PIK3CA: variants seen among roughly 807,000 people sequenced by gnomAD.
PIK3CA encodes the protein phosphatidylinositol-4,5-bisphosphate 3-kinase catalytic subunit alpha.
A neutral mutation model predicts 138.2 loss-of-function variants in PIK3CA; 27 were observed. That is an observed-to-expected ratio of 0.20 (90% confidence interval 0.14 to 0.27). The LOEUF (loss-of-function observed/expected upper bound fraction) is 0.27, where lower values mean the gene tolerates loss of function less well. PIK3CA is among the 10% of genes least tolerant of loss of function. The pLI is 1.00. For missense variants in PIK3CA, 544 were observed against 1,277.4 expected (o/e 0.43, Z 8.75); for synonymous variants, 358 against 413.2 (o/e 0.87, Z 1.62).
chr3:179,214,566 T>G (rs906489353), intron 9 of PIK3CA, among the ~76,000 whole-genome samples: 4 of 151,946 alleles, frequency 2.6e-5, no homozygotes, highest in Non-Finnish European at 5.9e-5. Flanking sequence ...TAATATATAA[T>G]AATAATGAAA....
At chr3:179,229,503 G>A (rs1725163769) in intron 18 of PIK3CA, 61 bp downstream of exon 18, 1 of 1,303,058 alleles carries the variant, frequency 7.7e-7, no homozygotes, top group Non-Finnish European at 1.1e-6. Flanking sequence ...GAGTCTGTCG[G>A]TGTTTGTGTA....
chr3:179,150,840 A>G (rs1382736557), intron 1 of PIK3CA, among the ~76,000 whole-genome samples: 3 of 152,242 alleles, frequency 2.0e-5, no homozygotes, highest in Non-Finnish European at 4.4e-5. Context: ...GCCGCTTCTT[A>G]TAAGTACCCT....
chr3:179,194,940 G>A (rs1338627600), intron 1 of PIK3CA, among the ~76,000 whole-genome samples: 2 of 151,566 alleles, frequency 1.3e-5, no homozygotes, highest in Non-Finnish European at 2.9e-5. Flanking sequence ...AACTGTGGAA[G>A]GGAAGGCATC....
rs997588477 is a variant in PIK3CA at position 179,221,165 on chromosome 3, ACT to A, written c.2187+11_2187+12del. ...AAGGATGAAACACAAAAGGTGTGTG[ACT>A]CTAGTTTGTGTTTGAGACTCTTTTC... On this transcript the variant is annotated intron_variant, in intron 14 of 20. Coordinates refer to ENST00000263967, the MANE Select transcript of PIK3CA (RefSeq NM_006218.4). The A allele has an allele frequency of 1.2e-6, 2 of 1,608,612 alleles. No individual in the cohort carries two copies. The highest frequency in any genetic ancestry group is 2.7e-5 in the African/African-American group (2 of 74,632).
At chr3:179,153,936 C>T (rs1014438781) in intron 1 of PIK3CA, among the ~76,000 whole-genome samples, 9 of 152,176 alleles carry the variant, frequency 5.9e-5, no homozygotes, top group African/African-American at 1.9e-4. Flanking sequence ...AAAGATTATT[C>T]AGCTATTGGA....
rs917551738 is a variant in PIK3CA, at chr3:179,236,134, G to C, written c.*1770G>C. 1 of 205,724 alleles carries C rather than the reference G, an allele frequency of 4.9e-6. No homozygotes were observed. Among genetic ancestry groups the C allele is most frequent in the African/African-American group, 2.3e-5 (1 of 43,822 alleles). The allele number at this position is 205,724 out of a possible 1,614,324, so 12.7% of individuals were successfully genotyped here. ...CTGTTACCTATAGTTGAAGTCTTGA[G>C]TAGTGAACAAGGGACTCTAATACCA... On this transcript the variant is annotated 3_prime_UTR_variant, in exon 21 of 21. Transcript: ENST00000263967.
rs1483414722 is a variant in PIK3CA at position 179,236,584 on chromosome 3, T to C, written c.*2220T>C. 8.9e-6 allele frequency: 2 copies of C among 225,166 alleles called. No individual in the cohort carries two copies. Among genetic ancestry groups the C allele is most frequent in the Non-Finnish European group, 1.8e-5 (2 of 111,830 alleles). 13.9% of individuals were successfully genotyped at this position (225,166 alleles called of 1,614,324 possible). A position where few individuals can be genotyped will look rare whatever the true frequency, so the allele number is the denominator to read the frequency against. ...GTGCCAAAAATGCTGTGAGCCTCCT[T>C]GCACAAAATTTATACCACTTTTGCA... On this transcript the variant is annotated 3_prime_UTR_variant, in exon 21 of 21. Transcript: ENST00000263967.
rs757034184 is a variant in PIK3CA at position 179,225,598 on chromosome 3, A to G, written c.2417-364A>G. 7.5e-4 allele frequency among the ~76,000 whole-genome samples: 114 copies of G among 152,302 alleles called. 3 individuals are homozygous for G. The highest frequency in any genetic ancestry group is 5.3e-4 in the Non-Finnish European group (36 of 68,024). On this transcript the variant is annotated intron_variant, in intron 16 of 20. Coordinates refer to ENST00000263967, the MANE Select transcript of PIK3CA (RefSeq NM_006218.4). ...ATTGTTATTCAAATATGTTTATGCA[A>G]AGACTTTAAAAGTGGATTTAAGAAT...
At position 179,182,896 on chromosome 3, in the gene PIK3CA, T is replaced by G. The variant is rs564011745; in HGVS notation, c.-76-15854T>G. The stretch of plus-strand genomic sequence containing the variant: ...ATATTTCTCTCCCACCATTGAAGTA[T>G]TTTGGCTGTATTGTATTATCGAAAA... On this transcript the variant is annotated intron_variant, in intron 1 of 20. Coordinates refer to ENST00000263967, the MANE Select transcript of PIK3CA (RefSeq NM_006218.4). Among the ~76,000 whole-genome samples the G allele has an allele frequency of 3.9e-5, 6 of 152,322 alleles. No individual in the cohort carries two copies. The South Asian group carries it at 1.2e-3, about 32-fold the overall frequency.
intron 1 of PIK3CA, among the ~76,000 whole-genome samples, chr3:179,164,670 C>A (rs1321619441): frequency 6.6e-6 from 1 of 151,992 alleles, no homozygotes; most frequent in Non-Finnish European, 1.5e-5. Context: ...GAGTTCAAGA[C>A]CAAGCCTGAC....
chr3:179,229,487 T>A (rs200435164), intron 18 of PIK3CA, 45 bp downstream of exon 18: 2 of 1,471,626 alleles, frequency 1.4e-6, no homozygotes, highest in Non-Finnish European at 1.9e-6. Context: ...TAAGTTTTTG[T>A]TAGATGAGTC....
chr3:179,240,062 A>G lies in PIK3CA; in HGVS notation c.*5698A>G, dbSNP rs748136943. The G allele has an allele frequency of 5.2e-6, 8 of 1,540,480 alleles. No homozygotes were observed. The highest frequency in any genetic ancestry group is 4.0e-5 in the Admixed American group (2 of 49,874). ...CTTTAACTCTGCAGTCTGTAACATC[A>G]CGCTGTTTATTAAAAAAAAAAAGAA... On this transcript the variant is annotated 3_prime_UTR_variant, in exon 21 of 21. Coordinates refer to ENST00000263967, the MANE Select transcript of PIK3CA (RefSeq NM_006218.4).
chr3:179,229,219 T>G, intron 17 of PIK3CA, 53 bp from the exon 18 acceptor site: 1 of 1,414,832 alleles, frequency 7.1e-7, no homozygotes, highest in Non-Finnish European at 9.8e-7. Context: ...GTTAAAACAT[T>G]TGCTATTTTA....
intron 1 of PIK3CA, among the ~76,000 whole-genome samples, chr3:179,195,012 C>CAAAA (rs11316257): frequency 1.0e-5 from 1 of 96,060 alleles, no homozygotes. Context: ...AGGTACTTCT[C>CAAAA]AAAAAAAAAA....
intron 1 of PIK3CA, among the ~76,000 whole-genome samples, chr3:179,196,932 G>A (rs141428747): frequency 4.6e-4 from 70 of 152,298 alleles, no homozygotes; most frequent in African/African-American, 1.7e-3. Context: ...AATTAACGAA[G>A]CTTGTTGATG....
Position 179,237,317 on chromosome 3 carries a change from CT to C in PIK3CA, c.*2955del, listed in dbSNP as rs1388371608. 1 of 195,152 alleles carries C rather than the reference CT, an allele frequency of 5.1e-6. No individual in the cohort carries two copies. Among genetic ancestry groups the C allele is most frequent in the Non-Finnish European group, 1.1e-5 (1 of 93,888 alleles). The allele number at this position is 195,152 out of a possible 1,614,324, so 12.1% of individuals were successfully genotyped here. ...GTGGTTCTTAGTGTCCTATGTAAAA[CT>C]TAGTGTCAAAGTAATCAACTTTGAG... On this transcript the variant is annotated 3_prime_UTR_variant, in exon 21 of 21. Transcript: ENST00000263967.
chr3:179,225,501 G>A (rs534862451), intron 16 of PIK3CA, among the ~76,000 whole-genome samples: 1 of 152,036 alleles, frequency 6.6e-6, no homozygotes, highest in African/African-American at 2.4e-5. Context: ...TCAAATTTAA[G>A]GATTCAGAAA....
At chr3:179,178,371 G>A (rs1264126990) in intron 1 of PIK3CA, among the ~76,000 whole-genome samples, 3 of 151,340 alleles carry the variant, frequency 2.0e-5, no homozygotes, top group Non-Finnish European at 4.4e-5. Flanking sequence ...ATATACAAAT[G>A]GCCAATAAGC....
At chr3:179,163,270 A>C (rs1576915023) in intron 1 of PIK3CA, among the ~76,000 whole-genome samples, 1 of 152,314 alleles carries the variant, frequency 6.6e-6, no homozygotes, top group East Asian at 1.9e-4. Flanking sequence ...GCCTAGTGTC[A>C]TTTTAAAAAG....
Sources: gnomAD v4.1 joint callset for allele counts (sites outside exome capture counted in the v4.1 genomes callset) on GRCh38, gnomAD v4.1.1 for gene constraint, MANE v1.5 for transcripts, NCBI Gene and HGNC (gene_info 2026-07-23, HGNC 2026-07-21) for gene names.